Variants in PRSS54 observed in about 807,000 individuals in gnomAD.
PRSS54 encodes serine protease 54, also known as inactive serine protease 54.
A neutral mutation model predicts 19.9 loss-of-function variants in PRSS54; 16 were observed. That is an observed-to-expected ratio of 0.80 (90% CI 0.54 to 1.22). PRSS54 has a LOEUF of 1.22. Ranked by LOEUF, PRSS54 falls within the 50% of genes most tolerant of loss-of-function variation. PRSS54 has a pLI of 0.00. For synonymous variants in PRSS54, 177 were observed against 195.8 expected, an observed-to-expected ratio of 0.90 and a Z score of 0.80; for missense variants, 444 against 494.8, an observed-to-expected ratio of 0.90 and a Z score of 0.97.
At chr16:58,286,238 G>T in intron 4 of PRSS54, 43 bp from the exon 5 acceptor site, 1 of 1,606,572 alleles carries the variant, frequency 6.2e-7, no homozygotes, top group East Asian at 2.2e-5. Flanking sequence ...AAGACAGCAA[G>T]GAAGCTTCAC....
chr16:58,291,210 C>T, intron 3 of PRSS54, 74 bp from the exon 4 acceptor site: 1 of 1,411,766 alleles, frequency 7.1e-7, no homozygotes, highest in Non-Finnish European at 9.7e-7. Flanking sequence ...GGCTGTCTGT[C>T]TCGATCATCA....
chr16:58,284,732 C>T lies in PRSS54; in HGVS notation c.523-11G>A, dbSNP rs749304926. On this transcript the variant is annotated splice_polypyrimidine_tract_variant and intron_variant, in intron 5 of 6. Transcript: ENST00000567164. ...CATGTGATTTCCTGTCTGGACCATG[C>T]AACAGAGAGCCCAGGGATTATTAAC... 2 of 1,613,550 alleles carry T rather than the reference C, an allele frequency of 1.2e-6. No individual in the cohort carries two copies. Among genetic ancestry groups the T allele is most frequent in the South Asian group, 2.2e-5 (2 of 91,064 alleles).
At chr16:58,291,641 C>A (rs528904095) in intron 3 of PRSS54, among the ~76,000 whole-genome samples, 40 of 151,992 alleles carry the variant, frequency 2.6e-4, no homozygotes, top group Non-Finnish European at 4.1e-4. Flanking sequence ...GCCACTACCC[C>A]CCGGCTAAAT....
Position 58,293,749 on chromosome 16 carries a change from A to T in PRSS54, c.68T>A (p.Leu23His). Residue 23 changes from leucine (L) to histidine (H), a missense_variant, in exon 3 of 7, where the codon CTT becomes CAT. By Grantham distance (99) the Leu-to-His change is moderately conservative (BLOSUM62 -3). Coordinates refer to ENST00000567164, the MANE Select transcript of PRSS54 (RefSeq NM_001305173.2). ...MRGVLLVLLG[L>H]LYSSTSCGVQ... ...ACACTCACTGGTGGAAGAATAGAGA[A>T]GGCCGAGCAGCACCAGGAGCACCCC... 6.2e-7 allele frequency: 1 copy of T among 1,613,234 alleles called. No individual in the cohort carries two copies. The highest frequency in any genetic ancestry group is 1.3e-5 in the African/African-American group (1 of 75,018).
In PRSS54 at chr16:58,280,669, C is replaced by G. The variant is rs1433394563; in HGVS notation, c.743G>C (p.Cys248Ser). ...RGVLNFGGETCPGLFLYTKVE... is the reference protein window; with the variant it reads ...RGVLNFGGETSPGLFLYTKVE... ...CTTGGTGTACAGAAACAGGCCAGGGCACGTCTCACCACCGAAGTTCAGGAC... is the reference window on the plus strand; with the variant it reads ...CTTGGTGTACAGAAACAGGCCAGGGGACGTCTCACCACCGAAGTTCAGGAC... Residue 248 changes from cysteine to serine, a missense_variant, in exon 7 of 7, where the codon TGC becomes TCC. Physicochemically the swap from Cys to Ser is moderately radical, Grantham distance 112. Transcript: ENST00000567164. 3 of 1,614,000 alleles carry G rather than the reference C, an allele frequency of 1.9e-6. No homozygotes were observed. Among genetic ancestry groups the G allele is most frequent in the Admixed American group, 1.7e-5 (1 of 60,008 alleles).
rs1156911417 is a variant in PRSS54 at position 58,290,100 on chromosome 16, A to ATATTG, written c.263+858_263+859insCAATA. Among the ~76,000 whole-genome samples, 465 of 97,866 alleles carry ATATTG rather than the reference A, an allele frequency of 4.8e-3. 2 individuals carry two copies. Among genetic ancestry groups the ATATTG allele is most frequent in the South Asian group, 0.037 (128 of 3,494 alleles). 64.2% of individuals were successfully genotyped at this position (97,866 alleles called of 152,430 possible). On this transcript the variant is annotated intron_variant, in intron 4 of 6. Coordinates refer to ENST00000567164, the MANE Select transcript of PRSS54 (RefSeq NM_001305173.2). Reference sequence around the variant, plus strand: ...TTCCATATACATATATACATATATTACAATATCATGTATATTACATATAAT... The same window carrying ATATTG: ...TTCCATATACATATATACATATATTATATTGCAATATCATGTATATTACATATAAT...
intron 4 of PRSS54, among the ~76,000 whole-genome samples, chr16:58,288,860 A>G (rs1235066498): frequency 4.0e-5 from 6 of 151,862 alleles, no homozygotes; most frequent in Non-Finnish European, 8.8e-5. Flanking sequence ...TCCAAAATTT[A>G]TGATAAAGTG....
chr16:58,292,677 TAG>T (rs1226693784), intron 3 of PRSS54, among the ~76,000 whole-genome samples: 4 of 152,152 alleles, frequency 2.6e-5, no homozygotes, highest in Non-Finnish European at 4.4e-5. Context: ...TCAGAACCAC[TAG>T]AGACAAGATC....
intron 3 of PRSS54, among the ~76,000 whole-genome samples, chr16:58,291,486 T>TTTTCC (rs1176300687): frequency 2.6e-5 from 4 of 151,644 alleles, no homozygotes; most frequent in African/African-American, 9.7e-5. Context: ...TTTTCTTTTC[T>TTTTCC]TTTTTTCTTT....
rs147993353 is a variant in PRSS54 at position 58,284,652 on chromosome 16, A to T, written c.592T>A (p.Tyr198Asn). ...CCGCATTCTGTCTTCTGGAGTTTGT[A>T]TAGGGGACACATGTCAAGATCTTTC... ...FVKDLDMCPLYKLQKTECGSH... is the reference protein window; with the variant it reads ...FVKDLDMCPLNKLQKTECGSH... The change falls in exon 6 of 7, where the codon TAC (tyrosine) becomes AAC (asparagine). Residue 198 changes from tyrosine (Y) to asparagine (N), a missense_variant. By Grantham distance (143) the Tyr-to-Asn change is moderately radical. Transcript: ENST00000567164. 6.2e-7 allele frequency: 1 copy of T among 1,614,018 alleles called. No homozygotes were observed. Among genetic ancestry groups the T allele is most frequent in the Admixed American group, 1.7e-5 (1 of 60,012 alleles).
At chr16:58,286,303 T>C (rs1964920742) in intron 4 of PRSS54, 108 bp from the exon 5 acceptor site, 4 of 1,187,704 alleles carry the variant, frequency 3.4e-6, no homozygotes, top group Non-Finnish European at 4.9e-6. Context: ...ATCCAGCTCA[T>C]ATTTCCTGTG....
In PRSS54 at chr16:58,280,116, G is replaced by A; in HGVS notation, c.*108C>T. On this transcript the variant is annotated 3_prime_UTR_variant, in exon 7 of 7. Coordinates refer to ENST00000567164, the MANE Select transcript of PRSS54 (RefSeq NM_001305173.2). ...CAGTGTATGCCATGGGCTTATCCGT[G>A]GCAGCCCCAGTGTGCAACTATCAAA... 2 of 1,130,480 alleles carry A rather than the reference G, an allele frequency of 1.8e-6. No individual in the cohort carries two copies. The highest frequency in any genetic ancestry group is 1.3e-6 in the Non-Finnish European group (1 of 786,824). 70.0% of individuals were successfully genotyped at this position (1,130,480 alleles called of 1,614,324 possible).
In PRSS54 at chr16:58,288,774, T is replaced by C. The variant is rs771584364; in HGVS notation, c.263+2185A>G. Among the ~76,000 whole-genome samples, 60 of 152,330 alleles carry C rather than the reference T, an allele frequency of 3.9e-4. 1 individual carries two copies. Among genetic ancestry groups the C allele is most frequent in the Non-Finnish European group, 6.5e-4 (44 of 68,034 alleles). The stretch of plus-strand genomic sequence containing the variant: ...CCATTAACAGAGGACTGTGTAGTTA[T>C]GGTACTTCCATAACAGGTTATGGTG... On this transcript the variant is annotated intron_variant, in intron 4 of 6. Coordinates refer to ENST00000567164, the MANE Select transcript of PRSS54 (RefSeq NM_001305173.2).
intron 3 of PRSS54, among the ~76,000 whole-genome samples, chr16:58,292,935 C>T (rs908449648): frequency 3.9e-5 from 6 of 152,080 alleles, no homozygotes; most frequent in African/African-American, 1.4e-4. Flanking sequence ...AGGGAGAGGA[C>T]CTTTCTGTGT....
intron 5 of PRSS54, among the ~76,000 whole-genome samples, 187 bp downstream of exon 5, chr16:58,285,749 AG>A (rs1483135160): frequency 6.8e-6 from 1 of 147,240 alleles, no homozygotes; most frequent in Non-Finnish European, 1.5e-5. Context: ...AAAAAAAAGA[AG>A]AAGAAGAAGA....
intron 3 of PRSS54, among the ~76,000 whole-genome samples, chr16:58,293,269 C>T (rs1965077111): frequency 6.6e-6 from 1 of 152,126 alleles, no homozygotes; most frequent in African/African-American, 2.4e-5. Flanking sequence ...CCTGGGCAGC[C>T]TAGAGGTCAA....
intron 5 of PRSS54, 32 bp downstream of exon 5, chr16:58,285,905 G>A (rs200014168): frequency 8.2e-5 from 132 of 1,610,698 alleles, no homozygotes; most frequent in African/African-American, 5.6e-4. Context: ...CAGCACACAC[G>A]CAGCCTTCTC....
intron 4 of PRSS54, among the ~76,000 whole-genome samples, chr16:58,286,823 G>A (rs1405425692): frequency 6.6e-6 from 1 of 152,162 alleles, no homozygotes; most frequent in Non-Finnish European, 1.5e-5. Flanking sequence ...AGGAGTGCAA[G>A]AGTTATAGAT....
chr16:58,284,497 G>T (rs1964862106), intron 6 of PRSS54, 93 bp downstream of exon 6: 1 of 1,446,916 alleles, frequency 6.9e-7, no homozygotes, highest in South Asian at 1.2e-5. Context: ...CCCTCACAGA[G>T]CTCCCCATCT....
Sources: allele counts gnomAD v4.1 joint callset (sites outside exome capture counted in the v4.1 genomes callset), GRCh38; gene constraint gnomAD v4.1.1; transcripts MANE v1.5; gene names NCBI Gene and HGNC (gene_info 2026-07-23, HGNC 2026-07-21).